Variants in KIAA0825 observed in about 807,000 individuals in gnomAD.
The protein encoded by KIAA0825 is uncharacterized protein KIAA0825.
A neutral mutation model predicts 147.6 loss-of-function variants in KIAA0825; 119 were observed. The ratio of observed to expected loss-of-function variants is 0.81; its 90% CI spans 0.69 to 0.94. The LOEUF (loss-of-function observed/expected upper bound fraction) is 0.94. Ranked by LOEUF, KIAA0825 falls within the 40% of genes least tolerant of loss-of-function variation. The probability of loss-of-function intolerance (pLI) is 0.00; values close to 1 mark genes in which losing one functional copy is unlikely to be tolerated. For missense variants in KIAA0825, 1,381 were observed against 1,472.7 expected (o/e 0.94, Z 1.02); for synonymous variants, 470 against 518.1 (o/e 0.91, Z 1.26).
At chr5:94,553,639 G>A (rs1295101131) in intron 2 of KIAA0825, among the ~76,000 whole-genome samples, 2 of 151,244 alleles carry the variant, frequency 1.3e-5, no homozygotes, top group Admixed American at 6.6e-5. Flanking sequence ...GGTGGCAGAC[G>A]CCTGTAATCC....
In KIAA0825 at chr5:94,179,450, A is replaced by G. The variant is rs145550519; in HGVS notation, c.3711-25326T>C. Among the ~76,000 whole-genome samples, 215 of 152,280 alleles carry G rather than the reference A, an allele frequency of 1.4e-3. 1 individual carries two copies. Among genetic ancestry groups the G allele is most frequent in the African/African-American group, 4.7e-3 (194 of 41,566 alleles). On this transcript the variant is annotated intron_variant, in intron 20 of 20. Transcript: ENST00000682413. Reference sequence around the variant, plus strand: ...TTTTGACTGGATACTTTAAGGCTGAAGAACAAAAGAACTGTGCATAAACAC... The same window carrying G: ...TTTTGACTGGATACTTTAAGGCTGAGGAACAAAAGAACTGTGCATAAACAC...
intron 20 of KIAA0825, among the ~76,000 whole-genome samples, chr5:94,182,075 G>A (rs529995159): frequency 1.3e-4 from 19 of 151,570 alleles, no homozygotes; most frequent in African/African-American, 4.6e-4. Flanking sequence ...GTTCCTGCTC[G>A]CATATCCAGC....
At chr5:94,618,418 CT>C (rs1791177837) in intron 1 of KIAA0825, 81 bp downstream of exon 1, 1 of 152,532 alleles carries the variant, frequency 6.6e-6, no homozygotes, top group Non-Finnish European at 1.5e-5. Flanking sequence ...CCACTCACTT[CT>C]CGGGCTGGCC....
chr5:94,532,951 A>C (rs976720044), intron 3 of KIAA0825, among the ~76,000 whole-genome samples: 1 of 151,622 alleles, frequency 6.6e-6, no homozygotes, highest in African/African-American at 2.4e-5. Context: ...TATCCAACTG[A>C]ACATTAAGGG....
intron 15 of KIAA0825, among the ~76,000 whole-genome samples, chr5:94,409,187 T>C (rs1752451586): frequency 6.6e-6 from 1 of 152,242 alleles, no homozygotes; most frequent in African/African-American, 2.4e-5. Context: ...GCTTGTTACC[T>C]GAGATAATCA....
chr5:94,616,045 GCTT>G (rs1282683382), intron 1 of KIAA0825, among the ~76,000 whole-genome samples: 2 of 151,946 alleles, frequency 1.3e-5, no homozygotes, highest in African/African-American at 4.8e-5. Flanking sequence ...TATTTATTGA[GCTT>G]CTATTACACG....
chr5:94,532,434 C>T lies in KIAA0825; in HGVS notation c.131+4562G>A, dbSNP rs1282322952. Among the ~76,000 whole-genome samples the T allele has an allele frequency of 2.0e-5, 3 of 152,090 alleles. No individual in the cohort carries two copies. The East Asian group carries it at 5.8e-4, about 29-fold the overall frequency. On this transcript the variant is annotated intron_variant, in intron 3 of 20. Coordinates refer to ENST00000682413, the MANE Select transcript of KIAA0825 (RefSeq NM_001145678.3). Reference sequence around the variant, plus strand: ...CCTCTCAAAGTGCTGCGATTATAGGCATGAGCCCCCACCCGACCTGGTAGC... The same window carrying T: ...CCTCTCAAAGTGCTGCGATTATAGGTATGAGCCCCCACCCGACCTGGTAGC...
chr5:94,281,764 T>G (rs191154273), intron 20 of KIAA0825, among the ~76,000 whole-genome samples: 1 of 152,212 alleles, frequency 6.6e-6, no homozygotes, highest in Admixed American at 6.5e-5. Flanking sequence ...AGGCCCTGAT[T>G]GAGAACCACT....
chr5:94,391,575 T>C lies in KIAA0825; in HGVS notation c.3416A>G (p.Glu1139Gly). The change falls in exon 18 of 21, where the codon GAG (glutamate) becomes GGG (glycine). Residue 1139 changes from glutamate to glycine, a missense_variant. Glu to Gly is a moderately conservative substitution (Grantham distance 98, BLOSUM62 -2). Coordinates refer to ENST00000682413, the MANE Select transcript of KIAA0825 (RefSeq NM_001145678.3). ...LDLCHKPGGR[E>G]YLRQIYHIMQ... is the part of the protein sequence containing the mutation. The stretch of plus-strand genomic sequence containing the variant: ...GATGTGATAAATTTGCCTCAGGTAC[T>C]CCCTGCCACCTGGTTTGTGGCAGAG... 6.4e-7 allele frequency: 1 copy of C among 1,551,640 alleles called. No individual in the cohort carries two copies. The highest frequency in any genetic ancestry group is 1.4e-5 in the African/African-American group (1 of 73,152).
intron 20 of KIAA0825, among the ~76,000 whole-genome samples, chr5:94,338,340 CT>C (rs1476739300): frequency 6.6e-6 from 1 of 151,990 alleles, no homozygotes; most frequent in East Asian, 1.9e-4. Flanking sequence ...GAAAAGAATC[CT>C]TTTTTAAGTA....
chr5:94,500,797 G>A (rs1764984123), intron 5 of KIAA0825, among the ~76,000 whole-genome samples: 1 of 151,968 alleles, frequency 6.6e-6, no homozygotes, highest in Non-Finnish European at 1.5e-5. Flanking sequence ...TATTTTTTGT[G>A]ATGGACTTTC....
intron 13 of KIAA0825, among the ~76,000 whole-genome samples, chr5:94,451,018 A>G (rs10514383): frequency 0.028 from 4,219 of 152,258 alleles, 77 homozygotes; most frequent in Middle Eastern, 0.071. Context: ...TGCACTCCAT[A>G]AAAGAAGCAC....
Position 94,520,440 on chromosome 5 carries a change from T to TA in KIAA0825, c.777dup (p.Asn260Ter). On this transcript the variant is annotated frameshift_variant, in exon 5 of 21. Coordinates refer to ENST00000682413, the MANE Select transcript of KIAA0825 (RefSeq NM_001145678.3). LOFTEE classifies it high-confidence loss of function. ...GGAGCTAAAATTTCACATAGTGTGT[T>TA]AAAATCCTCTTTTATTACTGAGTAT... 1 of 1,612,768 alleles carries TA rather than the reference T, an allele frequency of 6.2e-7. No individual in the cohort carries two copies. Among genetic ancestry groups the TA allele is most frequent in the East Asian group, 2.2e-5 (1 of 44,842 alleles).
At chr5:94,521,378 C>T (rs1337840408) in intron 4 of KIAA0825, among the ~76,000 whole-genome samples, 3 of 151,696 alleles carry the variant, frequency 2.0e-5, no homozygotes, top group Non-Finnish European at 4.4e-5. Context: ...ATGAACATAT[C>T]ATACAATACT....
chr5:94,531,247 G>A (rs975694301), intron 3 of KIAA0825, among the ~76,000 whole-genome samples: 6 of 152,126 alleles, frequency 3.9e-5, no homozygotes, highest in African/African-American at 1.4e-4. Context: ...CTAAAGCAGA[G>A]GTCTACAGGA....
chr5:94,426,020 G>T (rs1440702693), intron 14 of KIAA0825, among the ~76,000 whole-genome samples: 3 of 147,882 alleles, frequency 2.0e-5, no homozygotes, highest in Non-Finnish European at 4.5e-5. Flanking sequence ...GATAATTTTT[G>T]TATTATTATT....
At chr5:94,386,995 C>CCAA (rs1554269172) in intron 18 of KIAA0825, among the ~76,000 whole-genome samples, 1 of 149,710 alleles carries the variant, frequency 6.7e-6, no homozygotes, top group East Asian at 2.0e-4. Flanking sequence ...CAGGCCTGGG[C>CCAA]AAAAAAAAAG....
At chr5:94,597,829 C>T (rs892326005) in intron 1 of KIAA0825, among the ~76,000 whole-genome samples, 7 of 151,970 alleles carry the variant, frequency 4.6e-5, no homozygotes, top group Non-Finnish European at 8.8e-5. Flanking sequence ...ATATTGCAGG[C>T]AATTGTAACA....
intron 20 of KIAA0825, among the ~76,000 whole-genome samples, chr5:94,211,769 T>C (rs972642930): frequency 6.6e-5 from 10 of 152,228 alleles, no homozygotes; most frequent in Admixed American, 6.5e-4. Flanking sequence ...TATCTGCATC[T>C]GATCATATTG....
Sources: allele counts gnomAD v4.1 joint callset (sites outside exome capture counted in the v4.1 genomes callset), GRCh38; gene constraint gnomAD v4.1.1; transcripts MANE v1.5; gene names NCBI Gene and HGNC (gene_info 2026-07-23, HGNC 2026-07-21).